The following DIS3L2 variants were observed in gnomAD, a reference collection of about 807,000 sequenced individuals.
The protein encoded by DIS3L2 is DIS3 like 3'-5' exoribonuclease 2, also known as DIS3-like exonuclease 2.
Under a neutral mutation model 97.5 loss-of-function variants are expected in DIS3L2, and 34 were observed. The ratio of observed to expected loss-of-function variants is 0.35; its 90% CI spans 0.27 to 0.46. DIS3L2 has a LOEUF of 0.46. Among genes scored for constraint, DIS3L2 ranks in the 20% least tolerant of loss-of-function variants. DIS3L2 has a pLI of 1.00. For missense variants in DIS3L2, 1,038 were observed against 1,146.0 expected (o/e 0.91, Z 1.36); for synonymous variants, 435 against 445.2 (o/e 0.98, Z 0.29).
chr2:232,335,602 G>T, intron 19 of DIS3L2, 171 bp from the exon 20 acceptor site: 2 of 692,436 alleles, frequency 2.9e-6, no homozygotes, highest in Non-Finnish European at 4.9e-6. Flanking sequence ...CTCACCTGCT[G>T]CCTCAGCTGA....
Position 232,014,821 on chromosome 2 carries a change from C to A in DIS3L2, c.-93-14C>A. 1 of 1,248,392 alleles carries A rather than the reference C, an allele frequency of 8.0e-7. No homozygotes were observed. Among genetic ancestry groups the A allele is most frequent in the Non-Finnish European group, 1.1e-6 (1 of 884,564 alleles). 77.3% of individuals were successfully genotyped at this position (1,248,392 alleles called of 1,614,324 possible). On this transcript the variant is annotated splice_polypyrimidine_tract_variant and intron_variant, in intron 1 of 20. Coordinates refer to ENST00000325385, the MANE Select transcript of DIS3L2 (RefSeq NM_152383.5). The stretch of plus-strand genomic sequence containing the variant: ...TTAACCGCTCTCCAATTACCAATCT[C>A]TTCTTGGTTTCAGCGAATGACAACA...
chr2:232,333,757 G>T (rs1695843234), intron 16 of DIS3L2, 83 bp from the exon 17 acceptor site: 29 of 1,393,342 alleles, frequency 2.1e-5, no homozygotes, highest in Admixed American at 1.6e-4. Context: ...GCTGCCGACG[G>T]TGAGGCTGTG....
At chr2:232,192,900 A>G (rs1465032852) in intron 9 of DIS3L2, among the ~76,000 whole-genome samples, 1 of 152,238 alleles carries the variant, frequency 6.6e-6, no homozygotes, top group Non-Finnish European at 1.5e-5. Context: ...CAGGGACTGC[A>G]GTGAGGCAAG....
chr2:232,039,909 T>G (rs1031904948), intron 5 of DIS3L2, among the ~76,000 whole-genome samples: 1 of 152,210 alleles, frequency 6.6e-6, no homozygotes, highest in African/African-American at 2.4e-5. Context: ...CTGGAGCAGT[T>G]CAAGGTACCC....
chr2:232,242,640 G>A (rs1178614865), intron 11 of DIS3L2, among the ~76,000 whole-genome samples: 2 of 152,182 alleles, frequency 1.3e-5, no homozygotes, highest in Non-Finnish European at 2.9e-5. Context: ...CTAATATAAG[G>A]TTTTATAGTC....
At chr2:232,089,299 C>T (rs991097555) in intron 6 of DIS3L2, among the ~76,000 whole-genome samples, 3 of 152,248 alleles carry the variant, frequency 2.0e-5, no homozygotes, top group Non-Finnish European at 1.5e-5. Context: ...CCAGGTATCA[C>T]TGCCTTCAGG....
chr2:232,333,755 C>CGAGAATACA, intron 16 of DIS3L2, 85 bp from the exon 17 acceptor site: 18 of 1,488,972 alleles, frequency 1.2e-5, no homozygotes, highest in Admixed American at 6.8e-5. Context: ...TCGCTGCCGA[C>CGAGAATACA]GGTGAGGCTG....
At chr2:232,332,255 C>T (rs537936978) in intron 16 of DIS3L2, among the ~76,000 whole-genome samples, 27 of 151,754 alleles carry the variant, frequency 1.8e-4, no homozygotes, top group African/African-American at 6.0e-4. Flanking sequence ...GCCCACCTCC[C>T]CCAGAGACTT....
At chr2:232,232,369 C>T (rs892779050) in intron 10 of DIS3L2, among the ~76,000 whole-genome samples, 5 of 152,110 alleles carry the variant, frequency 3.3e-5, no homozygotes, top group Non-Finnish European at 7.4e-5. Context: ...ACTGTCTTCA[C>T]TATGGAAAAT....
At chr2:232,023,439 G>C (rs1402066369) in intron 3 of DIS3L2, among the ~76,000 whole-genome samples, 1 of 152,164 alleles carries the variant, frequency 6.6e-6, no homozygotes, top group Non-Finnish European at 1.5e-5. Flanking sequence ...AGGGAGAAAT[G>C]TTATTTAAAA....
chr2:232,333,883 A>G lies in DIS3L2; in HGVS notation c.2054A>G (p.Gln685Arg). The G allele has an allele frequency of 6.2e-7, 1 of 1,612,886 alleles. No homozygotes were observed. Among genetic ancestry groups the G allele is most frequent in the Non-Finnish European group, 8.5e-7 (1 of 1,179,904 alleles). The change falls in exon 17 of 21, where the codon CAG becomes CGG. Residue 685 changes from glutamine to arginine, a missense_variant. By Grantham distance (43) the Gln-to-Arg change is conservative (BLOSUM62 1). This residue lies in a region of DIS3L2 where 813 missense variants were observed against 880.1 expected (regional missense o/e 0.92). Transcript: ENST00000325385. The stretch of plus-strand genomic sequence containing the variant: ...TCGGGGCTGCTGCAGGACCCAGCGC[A>G]GTTCCGGCACTACGCGCTCAATGTG... ...FCSGLLQDPA[Q>R]FRHYALNVPL... is the part of the protein sequence containing the mutation.
intron 6 of DIS3L2, among the ~76,000 whole-genome samples, chr2:232,124,423 T>C (rs554305753): frequency 1.3e-5 from 2 of 152,328 alleles, no homozygotes; most frequent in South Asian, 2.1e-4. Context: ...GAAAAGTGTA[T>C]GTTTGATTAA....
intron 5 of DIS3L2, among the ~76,000 whole-genome samples, chr2:232,056,707 C>T (rs957391723): frequency 6.6e-6 from 1 of 152,128 alleles, no homozygotes; most frequent in Non-Finnish European, 1.5e-5. Context: ...CAGGGAAACA[C>T]AAATCAAAAC....
chr2:232,341,938 G>T (rs1336304827), downstream of DIS3L2, among the ~76,000 whole-genome samples: 1 of 152,202 alleles, frequency 6.6e-6, no homozygotes, highest in Non-Finnish European at 1.5e-5. Flanking sequence ...CCCCCAACCT[G>T]CAAGCCAGGC....
chr2:232,330,562 C>T lies in DIS3L2; in HGVS notation c.1924-128C>T, dbSNP rs114469609. The T allele has an allele frequency of 3.1e-3, 2,943 of 945,800 alleles. 53 individuals carry two copies. In the African/African-American group the frequency reaches 0.039, roughly 13 times the overall value. The allele number at this position is 945,800 out of a possible 1,614,324, so 58.6% of individuals were successfully genotyped here. Reference sequence around the variant, plus strand: ...CCTCTCCCCACCCATCCCCTCTGAGCAGGGCTGAGCCCCACAGGCAACTCC... The same window carrying T: ...CCTCTCCCCACCCATCCCCTCTGAGTAGGGCTGAGCCCCACAGGCAACTCC... On this transcript the variant is annotated intron_variant, in intron 15 of 20. Coordinates refer to ENST00000325385, the MANE Select transcript of DIS3L2 (RefSeq NM_152383.5).
chr2:232,336,090 G>A, intron 20 of DIS3L2: 12 of 1,543,658 alleles, frequency 7.8e-6, no homozygotes, highest in Non-Finnish European at 1.0e-5. Context: ...CCACAGTGGA[G>A]AGAGGAGGGG....
At chr2:232,162,605 C>T (rs1325169691) in intron 8 of DIS3L2, among the ~76,000 whole-genome samples, 4 of 152,170 alleles carry the variant, frequency 2.6e-5, no homozygotes, top group South Asian at 2.1e-4. Flanking sequence ...GTGCTGAGGG[C>T]GGACTCTTGG....
chr2:232,042,430 G>A (rs1318937971), intron 5 of DIS3L2, among the ~76,000 whole-genome samples: 1 of 152,050 alleles, frequency 6.6e-6, no homozygotes, highest in Non-Finnish European at 1.5e-5. Context: ...TCTTAGAACT[G>A]TTTGGTTTCT....
chr2:232,338,219 T>C (rs1363458650), downstream of DIS3L2, among the ~76,000 whole-genome samples: 1 of 151,850 alleles, frequency 6.6e-6, no homozygotes, highest in Non-Finnish European at 1.5e-5. Context: ...GCCAAGTTCC[T>C]CTCTGGGCTT....
Sources: allele counts gnomAD v4.1 joint callset (sites outside exome capture counted in the v4.1 genomes callset), GRCh38; gene constraint gnomAD v4.1.1; regional missense constraint gnomAD v4.1.1; transcripts MANE v1.5; gene names NCBI Gene and HGNC (gene_info 2026-07-23, HGNC 2026-07-21).